Variants in BICD1 observed in about 807,000 individuals in gnomAD.
BICD1 encodes protein bicaudal D homolog 1.
A neutral mutation model predicts 92.5 loss-of-function variants in BICD1; 35 were observed. The ratio of observed to expected loss-of-function variants is 0.38; its 90% CI spans 0.29 to 0.50. The LOEUF is 0.50. Among genes scored for constraint, BICD1 ranks in the 20% least tolerant of loss-of-function variants. BICD1 has a pLI of 0.93. For missense variants in BICD1, 950 were observed against 1,189.8 expected, an observed-to-expected ratio of 0.80 and a Z score of 2.97; for synonymous variants, 429 against 465.1, an observed-to-expected ratio of 0.92 and a Z score of 1.00.
At chr12:32,347,967 C>T (rs1161618659) in intron 8 of BICD1, among the ~76,000 whole-genome samples, 1 of 152,144 alleles carries the variant, frequency 6.6e-6, no homozygotes, top group African/African-American at 2.4e-5. Flanking sequence ...TTTCTTGTGC[C>T]TTCCTTCTTC....
At chr12:32,119,482 C>T (rs752256924) in intron 1 of BICD1, among the ~76,000 whole-genome samples, 1 of 152,154 alleles carries the variant, frequency 6.6e-6, no homozygotes, top group Admixed American at 6.5e-5. Context: ...GCATGTGAAT[C>T]CCACTTCCCT....
chr12:32,179,709 G>T (rs1012049045), intron 1 of BICD1, among the ~76,000 whole-genome samples: 9 of 151,846 alleles, frequency 5.9e-5, no homozygotes, highest in Non-Finnish European at 1.0e-4. Flanking sequence ...TTGTCACAGG[G>T]ACCGGGTGCA....
At chr12:32,340,153 T>A (rs1270791951) in intron 8 of BICD1, 2 of 985,260 alleles carry the variant, frequency 2.0e-6, no homozygotes, top group Non-Finnish European at 2.4e-6. Context: ...TCTCTAATAC[T>A]TTCCTTATCT....
intron 1 of BICD1, among the ~76,000 whole-genome samples, chr12:32,112,172 A>G (rs1941723215): frequency 6.6e-6 from 1 of 152,018 alleles, no homozygotes; most frequent in South Asian, 2.1e-4. Context: ...ACACCTGGCC[A>G]GTTTTGTATT....
intron 1 of BICD1, among the ~76,000 whole-genome samples, chr12:32,115,227 C>T (rs1941846923): frequency 6.6e-6 from 1 of 152,128 alleles, no homozygotes; most frequent in African/African-American, 2.4e-5. Flanking sequence ...GTTTTTATTG[C>T]AGTACTCCAA....
chr12:32,372,589 A>C (rs777155272), intron 9 of BICD1, among the ~76,000 whole-genome samples: 3 of 152,214 alleles, frequency 2.0e-5, no homozygotes, highest in Non-Finnish European at 4.4e-5. Context: ...AACAATGTAG[A>C]ACTTTTCAGC....
rs1289131874 is a variant in BICD1, at chr12:32,334,530, G to A, written c.2115G>A (p.Ala705=). The change falls in exon 6 of 10, where the codon GCG becomes GCA. Residue 705 remains alanine (A), a synonymous_variant. Coordinates refer to ENST00000652176, the MANE Select transcript of BICD1 (RefSeq NM_001714.4). ...LKANKQTAEV[A]LANLKNKYEN... is the part of the protein sequence containing the mutation. The stretch of plus-strand genomic sequence containing the variant: ...TTCTGCTTTAGACAGCTGAGGTGGC[G>A]CTAGCTAATCTCAAGAACAAATATG... 13 of 1,607,782 alleles carry A rather than the reference G, an allele frequency of 8.1e-6. No individual in the cohort carries two copies. The highest frequency in any genetic ancestry group is 4.0e-5 in the African/African-American group (3 of 74,594).
intron 7 of BICD1, chr12:32,338,127 G>A (rs1436436615): frequency 1.9e-5 from 5 of 263,202 alleles, no homozygotes; most frequent in Non-Finnish European, 2.9e-5. Context: ...CCTCCAACCT[G>A]AGAATTGGTA....
chr12:32,155,482 A>G (rs1184624061), intron 1 of BICD1, among the ~76,000 whole-genome samples: 3 of 152,266 alleles, frequency 2.0e-5, no homozygotes, highest in Non-Finnish European at 2.9e-5. Flanking sequence ...GGTTTCTCAC[A>G]GATTAAAGTA....
intron 4 of BICD1, among the ~76,000 whole-genome samples, chr12:32,312,726 CA>C (rs565111289): frequency 5.8e-4 from 88 of 152,172 alleles, no homozygotes; most frequent in African/African-American, 2.1e-3. Flanking sequence ...AACATATACA[CA>C]AAAAATACAG....
chr12:32,314,935 T>C (rs1948461644), intron 4 of BICD1, among the ~76,000 whole-genome samples: 1 of 152,136 alleles, frequency 6.6e-6, no homozygotes, highest in South Asian at 2.1e-4. Flanking sequence ...CGCATGCCAC[T>C]ATGCCCAGCT....
chr12:32,301,099 AT>A (rs1365636022), intron 3 of BICD1, among the ~76,000 whole-genome samples: 8 of 152,072 alleles, frequency 5.3e-5, no homozygotes, highest in Admixed American at 5.2e-4. Context: ...GGCCCTTCTG[AT>A]TTCCATACTC....
intron 1 of BICD1, among the ~76,000 whole-genome samples, chr12:32,207,176 A>G (rs1351244328): frequency 2.6e-5 from 4 of 152,190 alleles, no homozygotes; most frequent in Non-Finnish European, 5.9e-5. Flanking sequence ...TTTTAATGTT[A>G]CATTTTGTGT....
chr12:32,233,323 A>T (rs115743095), intron 2 of BICD1, among the ~76,000 whole-genome samples: 532 of 25,864 alleles, frequency 0.021, 5 homozygotes, highest in African/African-American at 0.021. Flanking sequence ...GTCTGTCTTT[A>T]AAAAAAAAAA....
chr12:32,164,296 A>C (rs1198040703), intron 1 of BICD1, among the ~76,000 whole-genome samples: 1 of 152,190 alleles, frequency 6.6e-6, no homozygotes, highest in Non-Finnish European at 1.5e-5. Context: ...GTATTGATTT[A>C]TTGTTATATT....
chr12:32,359,734 A>G (rs953167661), intron 8 of BICD1, among the ~76,000 whole-genome samples: 7 of 152,214 alleles, frequency 4.6e-5, no homozygotes, highest in African/African-American at 1.7e-4. Flanking sequence ...AGCATGTTCT[A>G]TGATAGCAAT....
intron 2 of BICD1, among the ~76,000 whole-genome samples, chr12:32,225,619 C>CTGTTTTTTTTTTTTT (rs1945656987): frequency 6.8e-5 from 2 of 29,228 alleles, no homozygotes; most frequent in African/African-American, 1.1e-4. Flanking sequence ...TTCTTTTTTT[C>CTGTTTTTTTTTTTTT]TGTTTTTTTT....
At chr12:32,217,489 CA>C in intron 2 of BICD1, among the ~76,000 whole-genome samples, 1 of 152,212 alleles carries the variant, frequency 6.6e-6, no homozygotes, top group Non-Finnish European at 1.5e-5. Flanking sequence ...GTCCATATTA[CA>C]ATGAACTAAA....
chr12:32,369,199 C>G (rs1939636577), intron 9 of BICD1, among the ~76,000 whole-genome samples: 1 of 152,228 alleles, frequency 6.6e-6, no homozygotes, highest in Non-Finnish European at 1.5e-5. Context: ...ATGAATTGCC[C>G]TCCATCCTGG....
Sources: gnomAD v4.1 joint callset for allele counts (sites outside exome capture counted in the v4.1 genomes callset) on GRCh38, gnomAD v4.1.1 for gene constraint, MANE v1.5 for transcripts, NCBI Gene and HGNC (gene_info 2026-07-23, HGNC 2026-07-21) for gene names.